GADL1: variants seen among roughly 807,000 people sequenced by gnomAD.
GADL1 encodes the protein GAD like acidic amino acid decarboxylase 1.
Under a neutral mutation model 69.5 loss-of-function variants are expected in GADL1, and 71 were observed. The observed-to-expected ratio is 1.02, with a 90% confidence interval of 0.84 to 1.25. The LOEUF is 1.25. Among genes scored for constraint, GADL1 ranks in the 50% most tolerant of loss-of-function variants. The pLI is 0.00. For synonymous variants in GADL1, 254 were observed against 214.4 expected (o/e 1.18, Z -1.62); for missense variants, 737 against 631.8 (o/e 1.17, Z -1.79).
chr3:30,885,469 A>G (rs2125546352), intron 1 of GADL1, among the ~76,000 whole-genome samples: 1 of 152,258 alleles, frequency 6.6e-6, no homozygotes, highest in East Asian at 1.9e-4. Context: ...TTTAAGCAAA[A>G]CAAAAGCTTC....
At chr3:30,751,431 T>C (rs966250445) in intron 14 of GADL1, among the ~76,000 whole-genome samples, 1 of 150,158 alleles carries the variant, frequency 6.7e-6, no homozygotes, top group Non-Finnish European at 1.5e-5. Flanking sequence ...TGCTTTGTCT[T>C]TCATTGCTTC....
intron 12 of GADL1, among the ~76,000 whole-genome samples, chr3:30,795,984 C>T (rs1268739249): frequency 6.6e-6 from 1 of 152,208 alleles, no homozygotes; most frequent in Non-Finnish European, 1.5e-5. Flanking sequence ...CAAACATTTA[C>T]AAACAATAAG....
At chr3:30,732,969 C>T (rs548581218) in intron 14 of GADL1, among the ~76,000 whole-genome samples, 1 of 151,928 alleles carries the variant, frequency 6.6e-6, no homozygotes, top group Non-Finnish European at 1.5e-5. Flanking sequence ...CGGCACGGGA[C>T]GCAGGGGTTG....
intron 14 of GADL1, among the ~76,000 whole-genome samples, chr3:30,730,510 T>C (rs998570153): frequency 6.6e-6 from 1 of 152,142 alleles, no homozygotes; most frequent in African/African-American, 2.4e-5. Flanking sequence ...ATAAGACAGA[T>C]GATTCCTGAA....
chr3:30,802,942 T>C (rs1422172244), intron 11 of GADL1, among the ~76,000 whole-genome samples: 2 of 151,914 alleles, frequency 1.3e-5, no homozygotes, highest in African/African-American at 2.4e-5. Flanking sequence ...TCTACAAACA[T>C]AAAAATTAGT....
chr3:30,828,095 G>C (rs1697713694), intron 11 of GADL1, among the ~76,000 whole-genome samples: 1 of 151,836 alleles, frequency 6.6e-6, no homozygotes, highest in Admixed American at 6.6e-5. Context: ...ATTTCCATAG[G>C]AGCTCTATGA....
chr3:30,858,908 G>A (rs970832618), intron 2 of GADL1, among the ~76,000 whole-genome samples: 1 of 151,982 alleles, frequency 6.6e-6, no homozygotes, highest in Admixed American at 6.6e-5. Context: ...GCACGCCAGA[G>A]AGGTAGGGAG....
chr3:30,838,613 T>C (rs568742778), intron 9 of GADL1, among the ~76,000 whole-genome samples: 2 of 152,174 alleles, frequency 1.3e-5, no homozygotes, highest in Non-Finnish European at 1.5e-5. Flanking sequence ...TCTTTACAAA[T>C]GAAGAAATTG....
At chr3:30,804,338 T>C (rs919708455) in intron 11 of GADL1, among the ~76,000 whole-genome samples, 2 of 152,164 alleles carry the variant, frequency 1.3e-5, no homozygotes, top group African/African-American at 4.8e-5. Flanking sequence ...GAGGCTCTGT[T>C]TGAAGACAGG....
Position 30,801,090 on chromosome 3 carries a change from T to C in GADL1, c.1051-2A>G. ...AGAGTAGCATTTTTTAAGAAGATCC[T>C]TCGAAAAAGAAAAGATTACAAGACT... On this transcript the variant is annotated splice_acceptor_variant, in intron 11 of 14. Coordinates refer to ENST00000282538, the MANE Select transcript of GADL1 (RefSeq NM_207359.3). LOFTEE classifies it high-confidence loss of function. The C allele has an allele frequency of 2.5e-6, 4 of 1,584,892 alleles. No individual in the cohort carries two copies. The highest frequency in any genetic ancestry group is 3.4e-6 in the Non-Finnish European group (4 of 1,160,860).
rs577609789 is a variant in GADL1 at position 30,761,039 on chromosome 3, A to G, written c.1392+17140T>C. 2.6e-4 allele frequency among the ~76,000 whole-genome samples: 40 copies of G among 152,242 alleles called. No homozygotes were observed. The East Asian group carries it at 5.6e-3, about 21-fold the overall frequency. On this transcript the variant is annotated intron_variant, in intron 14 of 14. Transcript: ENST00000282538. ...CCATGCAGAACACAACCCACAAAAC[A>G]TTTTGCAACTAGTATTGTATATTTT...
chr3:30,883,693 GT>G (rs1559368911), intron 1 of GADL1, among the ~76,000 whole-genome samples: 1 of 151,914 alleles, frequency 6.6e-6, no homozygotes, highest in African/African-American at 2.4e-5. Context: ...TGCCATTTGG[GT>G]TTTGATAAAG....
At chr3:30,829,467 C>T (rs756393296) in intron 11 of GADL1, among the ~76,000 whole-genome samples, 2 of 151,854 alleles carry the variant, frequency 1.3e-5, no homozygotes, top group African/African-American at 2.4e-5. Flanking sequence ...CTAGAGTTAT[C>T]CTTTTACATC....
At chr3:30,835,169 A>G (rs1697853821) in intron 9 of GADL1, among the ~76,000 whole-genome samples, 1 of 152,084 alleles carries the variant, frequency 6.6e-6, no homozygotes, top group Non-Finnish European at 1.5e-5. Context: ...CGCCAATGAC[A>G]AAAATCAGAT....
chr3:30,771,133 AATT>A (rs1424207435), intron 14 of GADL1, among the ~76,000 whole-genome samples: 1 of 152,164 alleles, frequency 6.6e-6, no homozygotes, highest in Non-Finnish European at 1.5e-5. Flanking sequence ...GAAAGACAAT[AATT>A]AACTAGAAAA....
At chr3:30,782,956 T>A (rs2125498177) in intron 13 of GADL1, among the ~76,000 whole-genome samples, 1 of 152,264 alleles carries the variant, frequency 6.6e-6, no homozygotes, top group African/African-American at 2.4e-5. Context: ...GATAACAATG[T>A]AAGAAAAATC....
intron 14 of GADL1, among the ~76,000 whole-genome samples, chr3:30,740,476 G>C (rs1695600940): frequency 6.7e-6 from 1 of 150,104 alleles, no homozygotes; most frequent in Non-Finnish European, 1.5e-5. Flanking sequence ...AAGAGTTTAG[G>C]GTAAGTGATA....
intron 1 of GADL1, among the ~76,000 whole-genome samples, chr3:30,862,945 G>A (rs1698342472): frequency 6.6e-6 from 1 of 151,708 alleles, no homozygotes; most frequent in Admixed American, 6.6e-5. Context: ...AAATGTAAAT[G>A]TAACCTATTT....
At chr3:30,767,598 G>A (rs975322714) in intron 14 of GADL1, among the ~76,000 whole-genome samples, 1 of 152,124 alleles carries the variant, frequency 6.6e-6, no homozygotes, top group African/African-American at 2.4e-5. Flanking sequence ...ATGGATTAAG[G>A]ATTTAAATAC....
Sources: allele counts gnomAD v4.1 joint callset (sites outside exome capture counted in the v4.1 genomes callset), GRCh38; gene constraint gnomAD v4.1.1; transcripts MANE v1.5; gene names NCBI Gene and HGNC (gene_info 2026-07-23, HGNC 2026-07-21).